NRG3: variants seen among roughly 807,000 people sequenced by gnomAD.
The protein encoded by NRG3 is pro-neuregulin-3, membrane-bound isoform.
In NRG3, 31 loss-of-function variants were observed where a neutral mutation model predicts 66.9. That is an observed-to-expected ratio of 0.46 (90% CI 0.35 to 0.63). The LOEUF (loss-of-function observed/expected upper bound fraction) is 0.63, where lower values mean the gene tolerates loss of function less well. Among genes scored for constraint, NRG3 ranks in the 20% least tolerant of loss-of-function variants. The pLI, the probability that NRG3 is intolerant of heterozygous loss-of-function variation, is 0.00. For synonymous variants in NRG3, 393 were observed against 359.4 expected, an observed-to-expected ratio of 1.09 and a Z score of -1.06; for missense variants, 910 against 878.9, an observed-to-expected ratio of 1.04 and a Z score of -0.45.
At chr10:82,579,606 G>A (rs1302191646) in intron 2 of NRG3, among the ~76,000 whole-genome samples, 1 of 151,978 alleles carries the variant, frequency 6.6e-6, no homozygotes, top group East Asian at 1.9e-4. Flanking sequence ...GTGTGTCTGT[G>A]TGCTCTGTGA....
intron 1 of NRG3, among the ~76,000 whole-genome samples, chr10:82,136,839 G>T (rs2069397981): frequency 6.6e-6 from 1 of 152,128 alleles, no homozygotes; most frequent in African/African-American, 2.4e-5. Flanking sequence ...TTTCCACTCT[G>T]ACAGACAGCA....
intron 3 of NRG3, among the ~76,000 whole-genome samples, chr10:82,845,666 T>C (rs1326331449): frequency 2.0e-5 from 3 of 152,130 alleles, no homozygotes; most frequent in Non-Finnish European, 4.4e-5. Context: ...AACATTTGTC[T>C]CAAACCTTTG....
At chr10:82,682,934 G>C (rs962076828) in intron 2 of NRG3, among the ~76,000 whole-genome samples, 2 of 144,422 alleles carry the variant, frequency 1.4e-5, no homozygotes, top group African/African-American at 5.1e-5. Context: ...TGAAAATACA[G>C]ACCATGTCTT....
chr10:81,981,890 C>A (rs2060345424), intron 1 of NRG3, among the ~76,000 whole-genome samples: 1 of 152,086 alleles, frequency 6.6e-6, no homozygotes, highest in African/African-American at 2.4e-5. Flanking sequence ...TGATATAAGC[C>A]CATATTTATT....
intron 1 of NRG3, among the ~76,000 whole-genome samples, chr10:82,133,770 G>A (rs975442349): frequency 6.6e-6 from 1 of 152,074 alleles, no homozygotes; most frequent in African/African-American, 2.4e-5. Flanking sequence ...TCTCTGGGTG[G>A]TATATACCCG....
chr10:82,206,876 C>T (rs2075143997), intron 1 of NRG3, among the ~76,000 whole-genome samples: 1 of 152,154 alleles, frequency 6.6e-6, no homozygotes, highest in African/African-American at 2.4e-5. Context: ...CGTACTTAGT[C>T]CAGTTTAAGC....
intron 2 of NRG3, among the ~76,000 whole-genome samples, chr10:82,413,636 G>A (rs2088297954): frequency 6.6e-6 from 1 of 152,028 alleles, no homozygotes; most frequent in Non-Finnish European, 1.5e-5. Flanking sequence ...GGTTTTAGAT[G>A]GCATCCCTTC....
chr10:82,981,622 C>T (rs180814365), intron 8 of NRG3, among the ~76,000 whole-genome samples: 28 of 152,286 alleles, frequency 1.8e-4, no homozygotes, highest in East Asian at 1.2e-3. Context: ...AGGCTTCCAA[C>T]GTATGTGGCT....
At chr10:82,981,616 T>G (rs1852910500) in intron 8 of NRG3, among the ~76,000 whole-genome samples, 1 of 152,194 alleles carries the variant, frequency 6.6e-6, no homozygotes, top group Non-Finnish European at 1.5e-5. Flanking sequence ...ACAGTTAGGC[T>G]TCCAACGTAT....
In NRG3 at chr10:82,002,464, A is replaced by G. The variant is rs368448176; in HGVS notation, c.823+126301A>G. 6.6e-5 allele frequency among the ~76,000 whole-genome samples: 10 copies of G among 152,326 alleles called. No individual in the cohort carries two copies. In the South Asian group the frequency reaches 2.1e-3, roughly 32 times the overall value. ...AGAAAAATGTAAAATTTTTATTTAT[A>G]TAAAAACAGAAGACTTGTAATTCAG... On this transcript the variant is annotated intron_variant, in intron 1 of 8. Coordinates refer to ENST00000372141, the MANE Select transcript of NRG3 (RefSeq NM_001010848.4).
chr10:82,451,141 C>T (rs2091001943), intron 2 of NRG3, among the ~76,000 whole-genome samples: 1 of 152,148 alleles, frequency 6.6e-6, no homozygotes, highest in Non-Finnish European at 1.5e-5. Flanking sequence ...AACTTATACA[C>T]ACCTCAAGAC....
rs1237488991 is a variant in NRG3, at chr10:82,648,599, T to C, written c.954-89978T>C. On this transcript the variant is annotated intron_variant, in intron 2 of 8. Transcript: ENST00000372141. ...TGAAGCTATAAATTACCTTGGGCAG[T>C]ATGGCCATTTTCACGATATTGATTC... 2.0e-5 allele frequency among the ~76,000 whole-genome samples: 3 copies of C among 152,214 alleles called. No homozygotes were observed. In the East Asian group the frequency reaches 5.8e-4, roughly 29 times the overall value.
At chr10:82,065,845 C>G (rs573930733) in intron 1 of NRG3, among the ~76,000 whole-genome samples, 2 of 152,160 alleles carry the variant, frequency 1.3e-5, no homozygotes, top group East Asian at 3.9e-4. Context: ...ATTATCTGTT[C>G]AAGAATTTGT....
intron 2 of NRG3, among the ~76,000 whole-genome samples, chr10:82,682,329 TTAGA>T (rs1476416990): frequency 6.6e-6 from 1 of 152,156 alleles, no homozygotes; most frequent in Non-Finnish European, 1.5e-5. Context: ...CACTGTTCAC[TTAGA>T]TATAGATAGA....
chr10:82,056,395 C>G (rs144515743), intron 1 of NRG3, among the ~76,000 whole-genome samples: 2 of 152,120 alleles, frequency 1.3e-5, no homozygotes, highest in Non-Finnish European at 2.9e-5. Flanking sequence ...TGATAGGAAT[C>G]TTTGAAGCTA....
intron 2 of NRG3, among the ~76,000 whole-genome samples, chr10:82,416,559 A>T (rs372450113): frequency 3.4e-4 from 51 of 152,206 alleles, no homozygotes; most frequent in African/African-American, 1.2e-3. Flanking sequence ...GGCCCTAAGG[A>T]TGAAACAACT....
At chr10:81,957,448 TCCCACCCCCACACGAATTTA>T (rs1361500352) in intron 1 of NRG3, among the ~76,000 whole-genome samples, 118 of 152,328 alleles carry the variant, frequency 7.7e-4, no homozygotes, top group African/African-American at 2.7e-3. Context: ...TAGTCAGTGC[TCCCACCCCCACACGAATTTA>T]TACTTTGTCA....
At chr10:82,058,226 A>G (rs988349715) in intron 1 of NRG3, among the ~76,000 whole-genome samples, 2 of 151,912 alleles carry the variant, frequency 1.3e-5, no homozygotes, top group African/African-American at 4.8e-5. Flanking sequence ...TAGGCCATAC[A>G]TAGCAAGTTA....
intron 2 of NRG3, among the ~76,000 whole-genome samples, chr10:82,564,935 T>G (rs1040660057): frequency 6.6e-6 from 1 of 152,100 alleles, no homozygotes; most frequent in Non-Finnish European, 1.5e-5. Flanking sequence ...TGCAGGCCTC[T>G]TTGGTGCCAG....
Sources: allele counts gnomAD v4.1 joint callset (sites outside exome capture counted in the v4.1 genomes callset), GRCh38; gene constraint gnomAD v4.1.1; transcripts MANE v1.5; gene names NCBI Gene and HGNC (gene_info 2026-07-23, HGNC 2026-07-21).